Variants in ZNF77 observed in about 807,000 individuals in gnomAD.
ZNF77 encodes ZNFpT1.
A neutral mutation model predicts 13.5 loss-of-function variants in ZNF77; 15 were observed. The observed-to-expected ratio is 1.11, with a 90% CI of 0.74 to 1.71. The LOEUF (loss-of-function observed/expected upper bound fraction) is 1.71. ZNF77 is among the 40% of genes most tolerant of loss of function. The probability of loss-of-function intolerance (pLI) is 0.00; values close to 1 mark genes in which losing one functional copy is unlikely to be tolerated. For missense variants in ZNF77, 717 were observed against 676.4 expected (o/e 1.06, Z -0.67); for synonymous variants, 282 against 250.0 (o/e 1.13, Z -1.21).
At position 2,933,814 on chromosome 19, in the gene ZNF77, C is replaced by T; in HGVS notation, c.1313G>A (p.Cys438Tyr). The T allele has an allele frequency of 6.2e-7, 1 of 1,613,322 alleles. No individual in the cohort carries two copies. Among genetic ancestry groups the T allele is most frequent in the Non-Finnish European group, 8.5e-7 (1 of 1,179,410 alleles). The change falls in exon 4 of 4, where the codon TGT (cysteine) becomes TAT (tyrosine). Residue 438 changes from cysteine to tyrosine, a missense_variant. Physicochemically the swap from Cys to Tyr is radical, Grantham distance 194. Coordinates refer to ENST00000314531, the MANE Select transcript of ZNF77 (RefSeq NM_021217.3). Reference sequence around the variant, plus strand: ...GCTGAAGGCTTTCCCACAATGCTTACACTCAAAGGGCTTCTCTCCAGTATG... The same window carrying T: ...GCTGAAGGCTTTCCCACAATGCTTATACTCAAAGGGCTTCTCTCCAGTATG... ...RTHTGEKPFE[C>Y]KHCGKAFSCH...
At chr19:2,934,841 T>G (rs777180630) in intron 3 of ZNF77, 26 bp from the exon 4 acceptor site, 19 of 1,580,376 alleles carry the variant, frequency 1.2e-5, no homozygotes, top group Non-Finnish European at 1.6e-5. Flanking sequence ...AGCAAGCTAC[T>G]AGTCATGAAT....
chr19:2,934,838 T>C (rs202215688), intron 3 of ZNF77, 23 bp from the exon 4 acceptor site: 4 of 1,587,150 alleles, frequency 2.5e-6, no homozygotes, highest in East Asian at 4.5e-5. Context: ...GGAAGCAAGC[T>C]ACTAGTCATG....
intron 1 of ZNF77, chr19:2,939,902 C>T (rs1241210634): frequency 6.1e-6 from 1 of 163,894 alleles, no homozygotes; most frequent in East Asian, 1.8e-4. Flanking sequence ...ATCGCTTGAG[C>T]TCGGGGGTTC....
At chr19:2,938,121 G>A (rs1326691465) in intron 2 of ZNF77, among the ~76,000 whole-genome samples, 5 of 152,060 alleles carry the variant, frequency 3.3e-5, no homozygotes, top group African/African-American at 7.2e-5. Flanking sequence ...CACTCCTCCC[G>A]AGGGCTGCTG....
At chr19:2,938,729 G>A (rs568290675) in intron 2 of ZNF77, among the ~76,000 whole-genome samples, 107 of 152,262 alleles carry the variant, frequency 7.0e-4, no homozygotes, top group African/African-American at 2.4e-3. Context: ...GGCCAAGGCG[G>A]GCGGATCACG....
intron 2 of ZNF77, among the ~76,000 whole-genome samples, chr19:2,938,120 C>T (rs911427761): frequency 2.6e-5 from 4 of 152,128 alleles, no homozygotes; most frequent in African/African-American, 9.7e-5. Context: ...CCACTCCTCC[C>T]GAGGGCTGCT....
rs182397529 is a variant in ZNF77 at position 2,943,167 on chromosome 19, C to T, written c.3+1671G>A. Among the ~76,000 whole-genome samples the T allele has an allele frequency of 8.4e-4, 128 of 152,046 alleles. 1 individual carries two copies. Among genetic ancestry groups the T allele is most frequent in the African/African-American group, 2.5e-3 (105 of 41,472 alleles). On this transcript the variant is annotated intron_variant, in intron 1 of 3. Coordinates refer to ENST00000314531, the MANE Select transcript of ZNF77 (RefSeq NM_021217.3). ...CTCCCTGTGGCTACAGCATTAGTCC[C>T]GCAGCTCAATCATCAACTGTCCCCA... is the stretch of plus-strand genomic sequence containing the variant.
intron 1 of ZNF77, among the ~76,000 whole-genome samples, chr19:2,942,364 C>T (rs891598620): frequency 1.5e-4 from 22 of 142,976 alleles, no homozygotes; most frequent in Non-Finnish European, 2.7e-4. Flanking sequence ...GCCACCGCGC[C>T]CGGCTCTTTT....
chr19:2,943,934 T>C (rs1204811714), intron 1 of ZNF77, among the ~76,000 whole-genome samples: 1 of 151,928 alleles, frequency 6.6e-6, no homozygotes, highest in East Asian at 1.9e-4. Flanking sequence ...GGTCTGGAAC[T>C]CCTGACCTCA....
chr19:2,933,816 C>A lies in ZNF77; in HGVS notation c.1311G>T (p.Glu437Asp), dbSNP rs1257901676. Residue 437 changes from glutamate (E) to aspartate (D), a missense_variant, in exon 4 of 4, where the codon GAG becomes GAT. Physicochemically the swap from Glu to Asp is conservative, Grantham distance 45. Transcript: ENST00000314531. ...TGAAGGCTTTCCCACAATGCTTACA[C>A]TCAAAGGGCTTCTCTCCAGTATGCG... ...VRTHTGEKPF[E>D]CKHCGKAFSC... 1.2e-6 allele frequency: 2 copies of A among 1,612,906 alleles called. No homozygotes were observed. The highest frequency in any genetic ancestry group is 3.3e-5 in the Admixed American group (2 of 59,946).
Position 2,933,257 on chromosome 19 carries a change from T to G in ZNF77, c.*232A>C. The G allele has an allele frequency of 2.4e-6, 1 of 416,046 alleles. No individual in the cohort carries two copies. The highest frequency in any genetic ancestry group is 4.2e-6 in the Non-Finnish European group (1 of 238,206). The allele number at this position is 416,046 out of a possible 1,614,324, so 25.8% of individuals were successfully genotyped here. On this transcript the variant is annotated 3_prime_UTR_variant, in exon 4 of 4. Transcript: ENST00000314531. ...ACAGGATATTTATTAAATGTTTATA[T>G]CACAAACATACACTAGAAATTAATA...
chr19:2,935,972 G>A (rs946179086), intron 3 of ZNF77, among the ~76,000 whole-genome samples: 3 of 151,614 alleles, frequency 2.0e-5, no homozygotes, highest in African/African-American at 4.8e-5. Flanking sequence ...GCCAAGATCC[G>A]TGCCACTGCA....
chr19:2,933,676 C>T lies in ZNF77; in HGVS notation c.1451G>A (p.Arg484Lys). The change falls in exon 4 of 4, where the codon AGA becomes AAA. Residue 484 changes from arginine to lysine, a missense_variant. Transcript: ENST00000314531. ...GTAGGGTTTGACCCCACTGTGTGAT[C>T]TCACATGCTTTTGAAAGTACTGAGC... ...SHAQYFQKHV[R>K]SHSGVKPYEC... 1 of 1,612,630 alleles carries T rather than the reference C, an allele frequency of 6.2e-7. No homozygotes were observed. The highest frequency in any genetic ancestry group is 1.1e-5 in the South Asian group (1 of 90,958).
At chr19:2,936,850 G>A in intron 2 of ZNF77, 146 bp from the exon 3 acceptor site, 1 of 738,266 alleles carries the variant, frequency 1.4e-6, no homozygotes, top group Non-Finnish European at 2.1e-6. Flanking sequence ...AGACTCTGAG[G>A]ACCTCATCTA....
rs1261392461 is a variant in ZNF77 at position 2,934,373 on chromosome 19, A to G, written c.754T>C (p.Tyr252His). Residue 252 changes from tyrosine (Y) to histidine (H), a missense_variant, in exon 4 of 4, where the codon TAC becomes CAC. Physicochemically the swap from Tyr to His is moderately conservative, Grantham distance 83. Coordinates refer to ENST00000314531, the MANE Select transcript of ZNF77 (RefSeq NM_021217.3). ...CKVCGKTFMY[Y>H]SYLTRHVRTH... ...CTTACGTGCCGTGTAAGGTAGGAGT[A>G]ATACATAAAGGTCTTCCCACATACT... The G allele has an allele frequency of 6.2e-7, 1 of 1,614,208 alleles. No individual in the cohort carries two copies. Among genetic ancestry groups the G allele is most frequent in the East Asian group, 2.2e-5 (1 of 44,884 alleles).
chr19:2,936,838 T>C (rs2088402496), intron 2 of ZNF77, 134 bp from the exon 3 acceptor site: 1 of 803,812 alleles, frequency 1.2e-6, no homozygotes, highest in Non-Finnish European at 1.9e-6. Context: ...GCTATCAAAG[T>C]GAGACTCTGA....
chr19:2,936,953 T>C (rs576575465), intron 2 of ZNF77, among the ~76,000 whole-genome samples: 5 of 152,184 alleles, frequency 3.3e-5, no homozygotes, highest in South Asian at 2.1e-4. Context: ...GGTAGAAGAA[T>C]TGCTTGAGCC....
In ZNF77 at chr19:2,934,666, C is replaced by T. The variant is rs754222567; in HGVS notation, c.461G>A (p.Arg154Gln). Residue 154 changes from arginine to glutamine, a missense_variant, in exon 4 of 4, where the codon CGG becomes CAG. Coordinates refer to ENST00000314531, the MANE Select transcript of ZNF77 (RefSeq NM_021217.3). ...CTKCGKAFEN[R>Q]QRSHTGQRPC... ...TCTCTGTCCAGTGTGAGATCTCTGC[C>T]GATTCTCGAAGGCTTTGCCACACTT... The T allele has an allele frequency of 2.7e-5, 44 of 1,613,930 alleles. No individual in the cohort carries two copies. Among genetic ancestry groups the T allele is most frequent in the East Asian group, 1.3e-4 (6 of 44,878 alleles).
At chr19:2,944,675 C>T (rs1285190615) in intron 1 of ZNF77, among the ~76,000 whole-genome samples, 163 bp downstream of exon 1, 5 of 152,210 alleles carry the variant, frequency 3.3e-5, no homozygotes, top group African/African-American at 7.2e-5. Context: ...CTGCCCCCAG[C>T]CCTACCCCTC....
Sources: gnomAD v4.1 joint callset for allele counts (sites outside exome capture counted in the v4.1 genomes callset) on GRCh38, gnomAD v4.1.1 for gene constraint, MANE v1.5 for transcripts, NCBI Gene and HGNC (gene_info 2026-07-23, HGNC 2026-07-21) for gene names.